OTOL1: variants seen among roughly 807,000 people sequenced by gnomAD.
The protein encoded by OTOL1 is otolin-1.
In OTOL1, 31 loss-of-function variants were observed where a neutral mutation model predicts 25.0. That is an observed-to-expected ratio of 1.24 (90% CI 0.93 to 1.67). OTOL1 has a LOEUF of 1.67. Among genes scored for constraint, OTOL1 ranks in the 40% most tolerant of loss-of-function variants. OTOL1 has a pLI of 0.00. For missense variants in OTOL1, 654 were observed against 587.7 expected (o/e 1.11, Z -1.17); for synonymous variants, 225 against 210.3 (o/e 1.07, Z -0.61).
rs1719019933 is a variant in OTOL1, at chr3:161,503,234, C to T, written c.726C>T (p.Gly242=). 2 of 1,427,138 alleles carry T rather than the reference C, an allele frequency of 1.4e-6. No individual in the cohort carries two copies. The highest frequency in any genetic ancestry group is 1.8e-6 in the Non-Finnish European group (2 of 1,096,526). The allele number at this position is 1,427,138 out of a possible 1,614,324, so 88.4% of individuals were successfully genotyped here. Residue 242 remains glycine, a synonymous_variant, in exon 4 of 4, where the codon GGC becomes GGT. Coordinates refer to ENST00000327928, the MANE Select transcript of OTOL1 (RefSeq NM_001080440.1). ...MGEKGEMGDK[G]CCGDSGERGG... ...AGAAGGGGGAGATGGGGGATAAGGG[C>T]TGCTGTGGAGATTCTGGGGAGAGGG...
In OTOL1 at chr3:161,503,427, A is replaced by C. The variant is rs374033969; in HGVS notation, c.919A>C (p.Thr307Pro). Reference protein sequence around the residue: ...ELGPPGLLGPTGPKGDIGNKG... With the variant: ...ELGPPGLLGPPGPKGDIGNKG... ...AGGTCCTCCTGGTCTCCTGGGACCT[A>C]CTGGGCCGAAGGGTGACATTGGCAA... is the stretch of plus-strand genomic sequence containing the variant. The change falls in exon 4 of 4, where the codon ACT becomes CCT. Residue 307 changes from threonine (T) to proline (P), a missense_variant. Physicochemically the swap from Thr to Pro is conservative, Grantham distance 38. Coordinates refer to ENST00000327928, the MANE Select transcript of OTOL1 (RefSeq NM_001080440.1). 1.3e-5 allele frequency: 21 copies of C among 1,613,522 alleles called. No homozygotes were observed. The highest frequency in any genetic ancestry group is 1.8e-5 in the Non-Finnish European group (21 of 1,179,792).
Position 161,496,934 on chromosome 3 carries a change from G to C in OTOL1, c.127G>C (p.Gly43Arg). 1 of 1,613,316 alleles carries C rather than the reference G, an allele frequency of 6.2e-7. No homozygotes were observed. Among genetic ancestry groups the C allele is most frequent in the Non-Finnish European group, 8.5e-7 (1 of 1,179,604 alleles). ...ATCTGAGGAAAGAGAGATGCCAAAG[G>C]GTCTAAAGCCATCCAGTGGCCCACC... ...KKSEEREMPK[G>R]LKPSSGPPPE... The change falls in exon 1 of 4, where the codon GGT becomes CGT. Residue 43 changes from glycine (G) to arginine (R), a missense_variant. Coordinates refer to ENST00000327928, the MANE Select transcript of OTOL1 (RefSeq NM_001080440.1).
At chr3:161,500,643 C>T (rs1047630722) in intron 2 of OTOL1, among the ~76,000 whole-genome samples, 1 of 152,146 alleles carries the variant, frequency 6.6e-6, no homozygotes, top group African/African-American at 2.4e-5. Context: ...CAATTAAACT[C>T]TTTCGAGGAA....
chr3:161,503,239 G>C lies in OTOL1; in HGVS notation c.731G>C (p.Cys244Ser). The C allele has an allele frequency of 6.8e-7, 1 of 1,461,558 alleles. No homozygotes were observed. The highest frequency in any genetic ancestry group is 9.0e-7 in the Non-Finnish European group (1 of 1,107,426). The allele number at this position is 1,461,558 out of a possible 1,614,324, so 90.5% of individuals were successfully genotyped here. The change falls in exon 4 of 4, where the codon TGT (cysteine) becomes TCT (serine). Residue 244 changes from cysteine (C) to serine (S), a missense_variant. By Grantham distance (112) the Cys-to-Ser change is moderately radical (BLOSUM62 -1). Coordinates refer to ENST00000327928, the MANE Select transcript of OTOL1 (RefSeq NM_001080440.1). The stretch of plus-strand genomic sequence containing the variant: ...GGGGAGATGGGGGATAAGGGCTGCT[G>C]TGGAGATTCTGGGGAGAGGGGAGGA... ...EKGEMGDKGC[C>S]GDSGERGGKG...
chr3:161,500,762 T>C (rs1718955707), intron 2 of OTOL1, among the ~76,000 whole-genome samples: 2 of 152,186 alleles, frequency 1.3e-5, no homozygotes, highest in South Asian at 4.1e-4. Flanking sequence ...TTTCTCAAAA[T>C]GCGTCCAGTT....
rs1719035449 is a variant in OTOL1 at position 161,503,634 on chromosome 3, G to A, written c.1126G>A (p.Val376Ile). 8.1e-6 allele frequency: 13 copies of A among 1,613,686 alleles called. No individual in the cohort carries two copies. The highest frequency in any genetic ancestry group is 1.7e-5 in the Admixed American group (1 of 59,990). Residue 376 changes from valine to isoleucine, a missense_variant, in exon 4 of 4, where the codon GTC (valine) becomes ATC (isoleucine). By Grantham distance (29) the Val-to-Ile change is conservative. Transcript: ENST00000327928. Reference protein sequence around the residue: ...LYNDQGNYSPVTGKFNCSIPG... With the variant: ...LYNDQGNYSPITGKFNCSIPG... ...TAATGACCAAGGGAATTACAGTCCT[G>A]TCACTGGGAAGTTTAACTGCTCTAT...
Position 161,499,254 on chromosome 3 carries a change from G to T in OTOL1, c.448G>T (p.Glu150Ter), listed in dbSNP as rs1718913846. The T allele has an allele frequency of 6.3e-7, 1 of 1,597,538 alleles. No homozygotes were observed. The highest frequency in any genetic ancestry group is 8.5e-7 in the Non-Finnish European group (1 of 1,174,032). Residue 150 changes from glutamate to a stop codon, truncating the protein, a stop_gained, in exon 2 of 4, where the codon GAG becomes TAG. Coordinates refer to ENST00000327928, the MANE Select transcript of OTOL1 (RefSeq NM_001080440.1). LOFTEE classifies it high-confidence loss of function. ...GPQGPRGYKG[E>*]KGLKGERGDQ... Reference sequence around the variant, plus strand: ...CCAAGGCCCTAGAGGCTACAAAGGAGAGAAAGGTAGGTAATTCATTCATGT... The same window carrying T: ...CCAAGGCCCTAGAGGCTACAAAGGATAGAAAGGTAGGTAATTCATTCATGT...
rs772866229 is a variant in OTOL1 at position 161,497,068 on chromosome 3, T to A, written c.261T>A (p.Phe87Leu). ...TTGGCACTGCCACTCTCTCTCCCTT[T>A]GAAAACTTCACTCTTGACCCAGCTG... ...SVFGTATLSPFENFTLDPADF... is the reference protein window; with the variant it reads ...SVFGTATLSPLENFTLDPADF... Residue 87 changes from phenylalanine (F) to leucine (L), a missense_variant, in exon 1 of 4, where the codon TTT (phenylalanine) becomes TTA (leucine). Physicochemically the swap from Phe to Leu is conservative, Grantham distance 22. Coordinates refer to ENST00000327928, the MANE Select transcript of OTOL1 (RefSeq NM_001080440.1). 1 of 1,613,738 alleles carries A rather than the reference T, an allele frequency of 6.2e-7. No individual in the cohort carries two copies. The highest frequency in any genetic ancestry group is 8.5e-7 in the Non-Finnish European group (1 of 1,179,682).
chr3:161,503,131 A>G lies in OTOL1; in HGVS notation c.623A>G (p.Lys208Arg). The G allele has an allele frequency of 7.0e-7, 1 of 1,437,602 alleles. No individual in the cohort carries two copies. The highest frequency in any genetic ancestry group is 1.6e-5 in the South Asian group (1 of 61,478). The allele number at this position is 1,437,602 out of a possible 1,614,324, so 89.1% of individuals were successfully genotyped here. Residue 208 changes from lysine (K) to arginine (R), a missense_variant, in exon 4 of 4, where the codon AAA becomes AGA. Lys to Arg is a conservative substitution (Grantham distance 26). Transcript: ENST00000327928. ...DTCGNCTKGE[K>R]GDQGAMGSPG... ...TGTGGGAATTGTACCAAAGGAGAAA[A>G]AGGAGACCAAGGGGCTATGGGCTCA...
intron 1 of OTOL1, among the ~76,000 whole-genome samples, chr3:161,498,596 G>A (rs1460708081): frequency 1.3e-5 from 2 of 152,062 alleles, no homozygotes; most frequent in African/African-American, 2.4e-5. Context: ...TAAGACCTTC[G>A]TATTTTTCTT....
At position 161,503,815 on chromosome 3, in the gene OTOL1, G is replaced by C. The variant is rs756885153; in HGVS notation, c.1307G>C (p.Ser436Thr). 6.2e-7 allele frequency: 1 copy of C among 1,613,912 alleles called. No homozygotes were observed. The highest frequency in any genetic ancestry group is 8.5e-7 in the Non-Finnish European group (1 of 1,179,882). Reference sequence around the variant, plus strand: ...TCTCTCCTCGTCATCTTGAAATTAAGTGCAGGAGACCAAGTCTGGCTTGAG... The same window carrying C: ...TCTCTCCTCGTCATCTTGAAATTAACTGCAGGAGACCAAGTCTGGCTTGAG... ...QASLLVILKL[S>T]AGDQVWLEVS... The change falls in exon 4 of 4, where the codon AGT (serine) becomes ACT (threonine). Residue 436 changes from serine (S) to threonine (T), a missense_variant. Coordinates refer to ENST00000327928, the MANE Select transcript of OTOL1 (RefSeq NM_001080440.1).
intron 2 of OTOL1, among the ~76,000 whole-genome samples, chr3:161,499,748 A>C (rs1718926835): frequency 6.6e-6 from 1 of 152,204 alleles, no homozygotes. Context: ...AATCAGAGGC[A>C]GTGTCAGTGG....
intron 1 of OTOL1, among the ~76,000 whole-genome samples, chr3:161,498,049 T>C (rs1450321572): frequency 6.6e-6 from 1 of 152,176 alleles, no homozygotes. Context: ...TTAGTATTTA[T>C]GCAGAGCTGC....
intron 1 of OTOL1, 25 bp from the exon 2 acceptor site, chr3:161,499,146 G>A (rs751459006): frequency 2.0e-6 from 3 of 1,530,070 alleles, no homozygotes; most frequent in Non-Finnish European, 2.7e-6. Context: ...TTTATATTCT[G>A]ATGTATTTAA....
chr3:161,502,313 A>G lies in OTOL1; in HGVS notation c.461A>G (p.Lys154Arg), dbSNP rs537582733. The change falls in exon 3 of 4, where the codon AAA becomes AGA. Residue 154 changes from lysine to arginine, a missense_variant. By Grantham distance (26) the Lys-to-Arg change is conservative. Coordinates refer to ENST00000327928, the MANE Select transcript of OTOL1 (RefSeq NM_001080440.1). ...PRGYKGEKGL[K>R]GERGDQGVPG... ...AATCTTGGTATCATCTTAGGACTCAAAGGAGAACGTGGGGACCAAGGAGTT... is the reference window on the plus strand; with the variant it reads ...AATCTTGGTATCATCTTAGGACTCAGAGGAGAACGTGGGGACCAAGGAGTT... 10 of 1,613,178 alleles carry G rather than the reference A, an allele frequency of 6.2e-6. No homozygotes were observed. The African/African-American group carries it at 1.1e-4, about 17-fold the overall frequency.
intron 1 of OTOL1, among the ~76,000 whole-genome samples, chr3:161,498,463 G>T (rs1336663562): frequency 6.6e-6 from 1 of 152,128 alleles, no homozygotes; most frequent in African/African-American, 2.4e-5. Context: ...TTAGAATGCT[G>T]AGACTATCTT....
intron 3 of OTOL1, 102 bp downstream of exon 3, chr3:161,502,471 A>G (rs573308839): frequency 2.0e-6 from 2 of 993,544 alleles, no homozygotes; most frequent in Non-Finnish European, 3.1e-6. Flanking sequence ...TAAGCTGAAA[A>G]TACAAATTAC....
In OTOL1 at chr3:161,503,888, C is replaced by A; in HGVS notation, c.1380C>A (p.Ser460Arg). Reference sequence around the variant, plus strand: ...TGTATGTCAGTGCTGAGGATGACAGCATTTTTACTGGGTTCCTTTTGTACC... The same window carrying A: ...TGTATGTCAGTGCTGAGGATGACAGAATTTTTACTGGGTTCCTTTTGTACC... Reference protein sequence around the residue: ...NGVYVSAEDDSIFTGFLLYPE... With the variant: ...NGVYVSAEDDRIFTGFLLYPE... Residue 460 changes from serine (S) to arginine (R), a missense_variant, in exon 4 of 4, where the codon AGC becomes AGA. Coordinates refer to ENST00000327928, the MANE Select transcript of OTOL1 (RefSeq NM_001080440.1). The A allele has an allele frequency of 1.2e-6, 2 of 1,613,680 alleles. No homozygotes were observed. Among genetic ancestry groups the A allele is most frequent in the Non-Finnish European group, 1.7e-6 (2 of 1,179,816 alleles).
chr3:161,499,319 C>A, intron 2 of OTOL1, 59 bp downstream of exon 2: 1 of 1,289,204 alleles, frequency 7.8e-7, no homozygotes, highest in Non-Finnish European at 1.1e-6. Context: ...TTCAGGAGAG[C>A]AATTTGCTAC....
Sources: allele counts gnomAD v4.1 joint callset (sites outside exome capture counted in the v4.1 genomes callset), GRCh38; gene constraint gnomAD v4.1.1; transcripts MANE v1.5; gene names NCBI Gene and HGNC (gene_info 2026-07-23, HGNC 2026-07-21).